UACA: variants seen among roughly 807,000 people sequenced by gnomAD.
UACA encodes uveal autoantigen with coiled-coil domains and ankyrin repeats, also known as nuclear membrane binding protein.
In UACA, 112 loss-of-function variants were observed where a neutral mutation model predicts 160.5. The observed-to-expected ratio is 0.70, with a 90% confidence interval of 0.60 to 0.82. UACA has a LOEUF of 0.82. Among genes scored for constraint, UACA ranks in the 40% least tolerant of loss-of-function variants. UACA has a pLI of 0.00. For missense variants in UACA, 1,574 were observed against 1,614.6 expected (o/e 0.97, Z 0.43); for synonymous variants, 557 against 568.4 (o/e 0.98, Z 0.29).
intron 1 of UACA, among the ~76,000 whole-genome samples, chr15:70,717,470 G>A (rs1169085099): frequency 2.0e-5 from 3 of 152,184 alleles, no homozygotes; most frequent in Non-Finnish European, 4.4e-5. Context: ...AACTAAAACA[G>A]CCATAGGCAA....
In UACA at chr15:70,762,627, C is replaced by G. The variant is rs79482404; in HGVS notation, c.78+703G>C. On this transcript the variant is annotated intron_variant, in intron 1 of 18. Coordinates refer to ENST00000322954, the MANE Select transcript of UACA (RefSeq NM_018003.4). ...AGCACCGAAAGAGCCCCGCACGGAT[C>G]CCGCCCCACAGGTGCGATTTACACA... 2.5e-3 allele frequency among the ~76,000 whole-genome samples: 376 copies of G among 152,336 alleles called. 4 individuals are homozygous for G. The highest frequency in any genetic ancestry group is 8.9e-3 in the African/African-American group (372 of 41,578).
the UACA span, among the ~76,000 whole-genome samples, chr15:70,770,962 C>T: frequency 6.6e-6 from 1 of 152,142 alleles, no homozygotes; most frequent in Non-Finnish European, 1.5e-5. Context: ...TGGGGAATTC[C>T]CAAATATGAA....
chr15:70,680,034 T>TAAAAA (rs11333471), intron 9 of UACA: 36 of 141,684 alleles, frequency 2.5e-4, no homozygotes, highest in African/African-American at 8.6e-4. Flanking sequence ...GAACTCAACT[T>TAAAAA]AAAAAAAAAA....
Position 70,668,357 on chromosome 15 carries a change from G to C in UACA, c.2327C>G (p.Thr776Arg). 1.2e-6 allele frequency: 2 copies of C among 1,607,808 alleles called. No individual in the cohort carries two copies. The highest frequency in any genetic ancestry group is 2.2e-5 in the South Asian group (2 of 89,086). ...RKLLDVTQKY[T>R]EKKLEMEKLL... ...TTTCTCCATTTCCAACTTCTTTTCT[G>C]TATATTTTTGTGTTACATCTAAAAG... Residue 776 changes from threonine (T) to arginine (R), a missense_variant, in exon 16 of 19, where the codon ACA becomes AGA. Thr to Arg is a moderately conservative substitution (Grantham distance 71). Transcript: ENST00000322954.
chr15:70,676,032 A>G (rs1897294772), intron 13 of UACA, among the ~76,000 whole-genome samples: 1 of 152,126 alleles, frequency 6.6e-6, no homozygotes, highest in African/African-American at 2.4e-5. Flanking sequence ...GCACTTTTTT[A>G]GTGTACTTTG....
At chr15:70,761,731 C>T (rs1018209292) in intron 1 of UACA, among the ~76,000 whole-genome samples, 25 of 152,144 alleles carry the variant, frequency 1.6e-4, no homozygotes, top group African/African-American at 5.8e-4. Context: ...AAAAATAGAA[C>T]GCTCAATTGA....
At chr15:70,687,851 T>C in intron 5 of UACA, 31 bp from the exon 6 acceptor site, 2 of 1,602,926 alleles carry the variant, frequency 1.2e-6, no homozygotes, top group Non-Finnish European at 1.7e-6. Context: ...TGATAAATGG[T>C]GAACATCTGT....
chr15:70,682,299 G>A lies in UACA; in HGVS notation c.822+459C>T, dbSNP rs1167020006. Among the ~76,000 whole-genome samples, 3 of 152,084 alleles carry A rather than the reference G, an allele frequency of 2.0e-5. No individual in the cohort carries two copies. In the East Asian group the frequency reaches 5.8e-4, roughly 29 times the overall value. On this transcript the variant is annotated intron_variant, in intron 9 of 18. Transcript: ENST00000322954. ...AAGAAGAAATAAAAACACTAACAGT[G>A]GCATTGAAATCACAATATATAATCA...
At chr15:70,752,933 ATTAGAGGCTTTT>A in intron 1 of UACA, among the ~76,000 whole-genome samples, 1 of 152,358 alleles carries the variant, frequency 6.6e-6, no homozygotes, top group Middle Eastern at 3.4e-3. Context: ...AATGCAACAA[ATTAGAGGCTTTT>A]ATACGACAAG....
the UACA span, among the ~76,000 whole-genome samples, chr15:70,773,206 A>T: frequency 1.3e-5 from 2 of 152,180 alleles, no homozygotes; most frequent in African/African-American, 4.8e-5. Context: ...ACCAAATACC[A>T]CTGAAAGATG....
chr15:70,679,436 A>G (rs980155287), intron 10 of UACA, among the ~76,000 whole-genome samples, 172 bp downstream of exon 10: 1 of 150,972 alleles, frequency 6.6e-6, no homozygotes, highest in Non-Finnish European at 1.5e-5. Flanking sequence ...ATAAATAAAT[A>G]AATAGAAGAG....
chr15:70,762,231 T>C lies in UACA; in HGVS notation c.78+1099A>G, dbSNP rs189288929. On this transcript the variant is annotated intron_variant, in intron 1 of 18. Coordinates refer to ENST00000322954, the MANE Select transcript of UACA (RefSeq NM_018003.4). Reference sequence around the variant, plus strand: ...TGTCCAAGTAAAATAATCCTCGATATAGGTGGAGAGAAAGGCATAACTGAA... The same window carrying C: ...TGTCCAAGTAAAATAATCCTCGATACAGGTGGAGAGAAAGGCATAACTGAA... Among the ~76,000 whole-genome samples, 23 of 76,954 alleles carry C rather than the reference T, an allele frequency of 3.0e-4. No homozygotes were observed. The East Asian group carries it at 7.6e-3, about 26-fold the overall frequency. 50.5% of individuals were successfully genotyped at this position (76,954 alleles called of 152,430 possible). A position where few individuals can be genotyped will look rare whatever the true frequency, so the allele number is the denominator to read the frequency against.
intron 1 of UACA, among the ~76,000 whole-genome samples, chr15:70,716,341 C>T (rs1378486026): frequency 1.3e-5 from 2 of 152,190 alleles, no homozygotes; most frequent in African/African-American, 4.8e-5. Flanking sequence ...CGTGCAGCCA[C>T]CAGACGACTG....
chr15:70,707,636 T>C (rs959425748), intron 1 of UACA, among the ~76,000 whole-genome samples: 7 of 151,516 alleles, frequency 4.6e-5, no homozygotes, highest in South Asian at 2.1e-4. Flanking sequence ...ACAAAGATAA[T>C]ATACAAATAG....
At chr15:70,663,984 C>T (rs908705337) in intron 17 of UACA, among the ~76,000 whole-genome samples, 4 of 151,960 alleles carry the variant, frequency 2.6e-5, no homozygotes, top group Admixed American at 6.6e-5. Flanking sequence ...CAAACCTGCA[C>T]GTTGTGCACA....
At chr15:70,747,064 A>G (rs1899728156) in intron 1 of UACA, among the ~76,000 whole-genome samples, 1 of 152,094 alleles carries the variant, frequency 6.6e-6, no homozygotes, top group Non-Finnish European at 1.5e-5. Context: ...ACCACTATGC[A>G]CATGTATACC....
At chr15:70,747,362 G>T (rs1899742719) in intron 1 of UACA, among the ~76,000 whole-genome samples, 1 of 148,898 alleles carries the variant, frequency 6.7e-6, no homozygotes, top group Non-Finnish European at 1.5e-5. Flanking sequence ...CCCCGCCTCA[G>T]CCTCCCTTTT....
At chr15:70,669,658 C>T (rs752748889) in intron 15 of UACA, among the ~76,000 whole-genome samples, 196 bp from the exon 16 acceptor site, 38 of 152,248 alleles carry the variant, frequency 2.5e-4, no homozygotes, top group Non-Finnish European at 4.6e-4. Flanking sequence ...TTCCTTAATA[C>T]ATTCACAACA....
intron 1 of UACA, among the ~76,000 whole-genome samples, chr15:70,717,822 A>G (rs186418350): frequency 5.8e-4 from 89 of 152,278 alleles, no homozygotes; most frequent in Non-Finnish European, 1.2e-4. Flanking sequence ...TAACATCTAT[A>G]ATCAGTTGAG....
Sources: allele counts gnomAD v4.1 joint callset (sites outside exome capture counted in the v4.1 genomes callset), GRCh38; gene constraint gnomAD v4.1.1; transcripts MANE v1.5; gene names NCBI Gene and HGNC (gene_info 2026-07-23, HGNC 2026-07-21).